Variants in SH3RF2 observed in about 807,000 individuals in gnomAD.
SH3RF2 encodes the protein SH3 domain containing ring finger 2, also known as E3 ubiquitin-protein ligase SH3RF2.
Under a neutral mutation model 59.0 loss-of-function variants are expected in SH3RF2, and 43 were observed. That is an observed-to-expected ratio of 0.73 (90% confidence interval 0.57 to 0.94). The LOEUF (loss-of-function observed/expected upper bound fraction) is 0.94. SH3RF2 is among the 40% of genes least tolerant of loss of function. SH3RF2 has a pLI of 0.00. For missense variants in SH3RF2, 930 were observed against 940.1 expected, an observed-to-expected ratio of 0.99 and a Z score of 0.14; for synonymous variants, 391 against 391.5, an observed-to-expected ratio of 1.00 and a Z score of 0.01.
chr5:146,029,992 G>T (rs559553469), intron 5 of SH3RF2, among the ~76,000 whole-genome samples: 1 of 152,146 alleles, frequency 6.6e-6, no homozygotes, highest in East Asian at 1.9e-4. Flanking sequence ...AACTGGTTAC[G>T]TATGCAAAGA....
At chr5:145,983,874 C>A (rs1187954252) in intron 2 of SH3RF2, among the ~76,000 whole-genome samples, 1 of 152,060 alleles carries the variant, frequency 6.6e-6, no homozygotes, top group African/African-American at 2.4e-5. Context: ...AATAATGGAG[C>A]CTTTTTAAAG....
chr5:145,988,282 C>T (rs1446265422), intron 2 of SH3RF2, among the ~76,000 whole-genome samples: 1 of 151,584 alleles, frequency 6.6e-6, no homozygotes, highest in Non-Finnish European at 1.5e-5. Context: ...GCCCAGAGCC[C>T]CCACCATAAG....
chr5:146,052,155 C>T (rs1013901919), intron 7 of SH3RF2, among the ~76,000 whole-genome samples: 2 of 152,088 alleles, frequency 1.3e-5, no homozygotes, highest in African/African-American at 2.4e-5. Context: ...CCTGGTTATA[C>T]CATCAAAGAC....
chr5:145,949,311 T>C (rs1163868365), intron 2 of SH3RF2, among the ~76,000 whole-genome samples: 2 of 152,214 alleles, frequency 1.3e-5, no homozygotes, highest in Non-Finnish European at 2.9e-5. Flanking sequence ...TTAAGAATGA[T>C]ATCGCTGTAC....
At chr5:145,950,519 T>C (rs930139010) in intron 2 of SH3RF2, among the ~76,000 whole-genome samples, 1 of 151,934 alleles carries the variant, frequency 6.6e-6, no homozygotes, top group African/African-American at 2.4e-5. Context: ...AAAATCAGTG[T>C]AGGTAAATAG....
chr5:145,964,667 T>C (rs1758792215), intron 2 of SH3RF2, among the ~76,000 whole-genome samples: 1 of 152,106 alleles, frequency 6.6e-6, no homozygotes. Context: ...ACTGCAGTTA[T>C]AATTAAGTTA....
At chr5:145,977,941 A>C (rs1349844210) in intron 2 of SH3RF2, among the ~76,000 whole-genome samples, 1 of 152,192 alleles carries the variant, frequency 6.6e-6, no homozygotes, top group African/African-American at 2.4e-5. Context: ...AAGTTAAATG[A>C]CTTGCTTAAG....
intron 5 of SH3RF2, among the ~76,000 whole-genome samples, chr5:146,016,206 G>A (rs937200991): frequency 3.3e-5 from 5 of 152,188 alleles, no homozygotes; most frequent in Admixed American, 3.3e-4. Flanking sequence ...AAATCTTCCA[G>A]CCAATAAACA....
intron 2 of SH3RF2, among the ~76,000 whole-genome samples, chr5:145,944,823 G>A (rs921607273): frequency 6.6e-6 from 1 of 152,050 alleles, no homozygotes; most frequent in South Asian, 2.1e-4. Context: ...TTTGAGAAAC[G>A]CTGTCTCAGA....
chr5:146,065,830 T>G (rs1368910684), downstream of SH3RF2, among the ~76,000 whole-genome samples: 1 of 152,242 alleles, frequency 6.6e-6, no homozygotes, highest in Non-Finnish European at 1.5e-5. Context: ...AATTTATTGT[T>G]TTATTTTTTG....
intron 5 of SH3RF2, among the ~76,000 whole-genome samples, chr5:146,014,305 G>A (rs1454244524): frequency 6.6e-6 from 1 of 152,152 alleles, no homozygotes; most frequent in African/African-American, 2.4e-5. Context: ...GTTTAGAGGG[G>A]TTAAACAACT....
intron 5 of SH3RF2, among the ~76,000 whole-genome samples, chr5:146,021,072 A>G (rs534418276): frequency 6.6e-6 from 1 of 152,224 alleles, no homozygotes; most frequent in South Asian, 2.1e-4. Flanking sequence ...CTCCTTCATC[A>G]CTGTCTTTCA....
At chr5:145,954,793 C>T (rs1352526686) in intron 2 of SH3RF2, among the ~76,000 whole-genome samples, 2 of 152,048 alleles carry the variant, frequency 1.3e-5, no homozygotes, top group African/African-American at 2.4e-5. Flanking sequence ...TTGGGGAGAC[C>T]TCAGGAAGCT....
intron 7 of SH3RF2, among the ~76,000 whole-genome samples, chr5:146,052,544 C>T (rs893257481): frequency 6.6e-6 from 1 of 152,102 alleles, no homozygotes; most frequent in Non-Finnish European, 1.5e-5. Context: ...TATGGGGAAC[C>T]AACATTCTCA....
chr5:146,026,387 G>C (rs1264922942), intron 5 of SH3RF2, among the ~76,000 whole-genome samples: 1 of 152,206 alleles, frequency 6.6e-6, no homozygotes, highest in Non-Finnish European at 1.5e-5. Flanking sequence ...ACAGTTAACT[G>C]TATAGCCCTG....
At chr5:145,982,657 TG>T (rs1759547613) in intron 2 of SH3RF2, among the ~76,000 whole-genome samples, 1 of 152,196 alleles carries the variant, frequency 6.6e-6, no homozygotes, top group African/African-American at 2.4e-5. Flanking sequence ...CTGAGATCAG[TG>T]GTGGGCTGGG....
At chr5:146,018,315 T>C (rs995877320) in intron 5 of SH3RF2, among the ~76,000 whole-genome samples, 7 of 152,150 alleles carry the variant, frequency 4.6e-5, no homozygotes, top group Non-Finnish European at 1.0e-4. Context: ...TTCATACCCA[T>C]AGTTTATCTC....
At chr5:146,058,921 A>G (rs574214589) in intron 8 of SH3RF2, among the ~76,000 whole-genome samples, 3 of 152,284 alleles carry the variant, frequency 2.0e-5, no homozygotes, top group African/African-American at 7.2e-5. Context: ...GGAAGGGACA[A>G]AACCAAGCTC....
intron 2 of SH3RF2, among the ~76,000 whole-genome samples, chr5:145,985,000 T>TA (rs949414853): frequency 6.6e-6 from 1 of 151,908 alleles, no homozygotes; most frequent in African/African-American, 2.4e-5. Context: ...TCCTAAAAAT[T>TA]AAAAAATTAG....
Sources: gnomAD v4.1 joint callset for allele counts (sites outside exome capture counted in the v4.1 genomes callset) on GRCh38, gnomAD v4.1.1 for gene constraint, MANE v1.5 for transcripts, NCBI Gene and HGNC (gene_info 2026-07-23, HGNC 2026-07-21) for gene names.